Variants in RAB7A observed in about 807,000 individuals in gnomAD.
RAB7A encodes ras-related protein Rab-7a.
A neutral mutation model predicts 24.5 loss-of-function variants in RAB7A; 2 were observed. The observed-to-expected ratio is 0.08, with a 90% CI of 0.03 to 0.26. The LOEUF is 0.26. Among genes scored for constraint, RAB7A ranks in the 10% least tolerant of loss-of-function variants. The probability of loss-of-function intolerance (pLI) is 1.00; values close to 1 mark genes in which losing one functional copy is unlikely to be tolerated. For synonymous variants in RAB7A, 100 were observed against 95.9 expected (o/e 1.04, Z -0.25); for missense variants, 118 against 255.7 (o/e 0.46, Z 3.67).
intron 1 of RAB7A, chr3:128,764,487 TC>T (rs2070807919): frequency 3.8e-6 from 3 of 784,084 alleles, no homozygotes; most frequent in Middle Eastern, 3.5e-4. Context: ...TATCACTGTC[TC>T]CCAGGGTGTT....
intron 1 of RAB7A, among the ~76,000 whole-genome samples, chr3:128,788,515 G>A (rs909868646): frequency 6.6e-6 from 1 of 152,166 alleles, no homozygotes; most frequent in Non-Finnish European, 1.5e-5. Context: ...GTGTCCTGAC[G>A]GATGACAAGT....
At chr3:128,769,968 G>T (rs1317165038) in intron 1 of RAB7A, among the ~76,000 whole-genome samples, 2 of 151,278 alleles carry the variant, frequency 1.3e-5, no homozygotes, top group Non-Finnish European at 3.0e-5. Context: ...TTTTTAGAAG[G>T]TCAGATAAAC....
At position 128,791,063 on chromosome 3, in the gene RAB7A, G is replaced by A. The variant is rs1245719909; in HGVS notation, c.-8-4297G>A. Among the ~76,000 whole-genome samples, 9 of 151,934 alleles carry A rather than the reference G, an allele frequency of 5.9e-5. No homozygotes were observed. The East Asian group carries it at 1.7e-3, about 29-fold the overall frequency. ...AGGTCCTGTACTCGTGCTAACCACTGTAATAGTGATTGTTGTATAAATGGG... is the reference window on the plus strand; with the variant it reads ...AGGTCCTGTACTCGTGCTAACCACTATAATAGTGATTGTTGTATAAATGGG... On this transcript the variant is annotated intron_variant, in intron 1 of 5. Coordinates refer to ENST00000265062, the MANE Select transcript of RAB7A (RefSeq NM_004637.6).
chr3:128,770,811 C>A (rs1360746115), intron 1 of RAB7A, among the ~76,000 whole-genome samples: 4 of 152,024 alleles, frequency 2.6e-5, no homozygotes, highest in Non-Finnish European at 5.9e-5. Flanking sequence ...TCTTTCTCTT[C>A]CTGAAAAAAT....
In RAB7A at chr3:128,813,603, G is replaced by A. The variant is rs3206306; in HGVS notation, c.*181G>A. Reference sequence around the variant, plus strand: ...ATATCTCTCACACACACACACACACGCACACACACACACACAGATCTGACG... The same window carrying A: ...ATATCTCTCACACACACACACACACACACACACACACACACAGATCTGACG... On this transcript the variant is annotated 3_prime_UTR_variant, in exon 6 of 6. Coordinates refer to ENST00000265062, the MANE Select transcript of RAB7A (RefSeq NM_004637.6). 25,286 of 511,942 alleles carry A rather than the reference G, an allele frequency of 0.049. 468 individuals carry two copies. The highest frequency in any genetic ancestry group is 0.1 in the Middle Eastern group (344 of 3,408). The allele number at this position is 511,942 out of a possible 1,614,324, so 31.7% of individuals were successfully genotyped here.
chr3:128,789,173 T>G (rs1490468370), intron 1 of RAB7A, among the ~76,000 whole-genome samples: 1 of 152,214 alleles, frequency 6.6e-6, no homozygotes, highest in Non-Finnish European at 1.5e-5. Context: ...TTAATGGATG[T>G]TATCTAAAAT....
chr3:128,796,216 T>C (rs987774490), intron 2 of RAB7A, among the ~76,000 whole-genome samples: 3 of 151,944 alleles, frequency 2.0e-5, no homozygotes, highest in African/African-American at 7.3e-5. Flanking sequence ...GTAGGTTGGG[T>C]GAGGTGGCTT....
At chr3:128,744,519 C>T (rs954267958) in intron 1 of RAB7A, among the ~76,000 whole-genome samples, 28 of 152,302 alleles carry the variant, frequency 1.8e-4, no homozygotes, top group African/African-American at 6.3e-4. Flanking sequence ...AAGAAAACAT[C>T]ACAGTGGAAA....
chr3:128,792,231 G>A (rs560359931), intron 1 of RAB7A, among the ~76,000 whole-genome samples: 1 of 152,144 alleles, frequency 6.6e-6, no homozygotes, highest in Non-Finnish European at 1.5e-5. Flanking sequence ...TCTGGAGGTT[G>A]AAGTGTATTT....
intron 1 of RAB7A, among the ~76,000 whole-genome samples, chr3:128,769,438 T>C (rs1222567732): frequency 6.6e-6 from 1 of 152,238 alleles, no homozygotes; most frequent in Admixed American, 6.5e-5. Flanking sequence ...TATTCTTTGG[T>C]GAAGCATCTA....
intron 1 of RAB7A, among the ~76,000 whole-genome samples, chr3:128,776,257 T>C (rs1346204370): frequency 6.6e-6 from 1 of 152,174 alleles, no homozygotes; most frequent in Non-Finnish European, 1.5e-5. Flanking sequence ...CCATTGTGCA[T>C]ATATGCCACG....
At chr3:128,757,204 A>G (rs1427977049) in intron 1 of RAB7A, among the ~76,000 whole-genome samples, 1 of 152,082 alleles carries the variant, frequency 6.6e-6, no homozygotes, top group Admixed American at 6.6e-5. Context: ...CCTCATGCCA[A>G]CCAGAGACTA....
At chr3:128,750,727 A>G (rs1407804536) in intron 1 of RAB7A, among the ~76,000 whole-genome samples, 2 of 152,254 alleles carry the variant, frequency 1.3e-5, no homozygotes, top group Non-Finnish European at 2.9e-5. Flanking sequence ...TCAAGCCCTT[A>G]CAGAAATTAC....
At chr3:128,802,304 A>C (rs1933713779) in intron 3 of RAB7A, among the ~76,000 whole-genome samples, 2 of 152,064 alleles carry the variant, frequency 1.3e-5, no homozygotes. Context: ...TCTGAAATTG[A>C]TTAGTATCTT....
chr3:128,763,208 A>ATTTTTTTTTTT (rs1174944964), intron 1 of RAB7A, among the ~76,000 whole-genome samples: 8 of 76,108 alleles, frequency 1.1e-4, no homozygotes, highest in African/African-American at 4.1e-4. Flanking sequence ...ATATATATAT[A>ATTTTTTTTTTT]TTTTTTTTTT....
In RAB7A at chr3:128,753,026, A is replaced by C. The variant is rs368575137; in HGVS notation, c.-9+26667A>C. Among the ~76,000 whole-genome samples the C allele has an allele frequency of 1.6e-4, 25 of 152,324 alleles. 1 individual carries two copies. The South Asian group carries it at 5.2e-3, about 32-fold the overall frequency. The stretch of plus-strand genomic sequence containing the variant: ...TGCATAAGACACAATTGGGTACATT[A>C]TTAACATCTGTAGAATGGAGAGGAG... On this transcript the variant is annotated intron_variant, in intron 1 of 5. Transcript: ENST00000265062.
chr3:128,777,961 G>A (rs1160205990), intron 1 of RAB7A, among the ~76,000 whole-genome samples: 5 of 152,096 alleles, frequency 3.3e-5, no homozygotes, highest in Admixed American at 6.5e-5. Flanking sequence ...TGATCTGCCC[G>A]CCTCGGCCTC....
At chr3:128,785,335 C>T (rs1207151160) in intron 1 of RAB7A, 1 of 152,112 alleles carries the variant, frequency 6.6e-6, no homozygotes, top group African/African-American at 2.4e-5. Context: ...GTGAACCGGC[C>T]CAGGTTGCGA....
intron 1 of RAB7A, among the ~76,000 whole-genome samples, chr3:128,770,037 C>G (rs1410732664): frequency 6.7e-6 from 1 of 148,334 alleles, no homozygotes; most frequent in Admixed American, 6.8e-5. Flanking sequence ...GAGTCTCGCT[C>G]TGTCACCCAG....
Sources: allele counts gnomAD v4.1 joint callset (sites outside exome capture counted in the v4.1 genomes callset), GRCh38; gene constraint gnomAD v4.1.1; transcripts MANE v1.5; gene names NCBI Gene and HGNC (gene_info 2026-07-23, HGNC 2026-07-21).